Variants in TRIM35 observed in about 807,000 individuals in gnomAD.
The protein encoded by TRIM35 is E3 ubiquitin-protein ligase TRIM35.
TRIM35 carries 37 observed loss-of-function variants against 49.1 expected under a neutral mutation model. That is an observed-to-expected ratio of 0.75 (90% CI 0.58 to 0.99). The LOEUF is 0.99. Among genes scored for constraint, TRIM35 ranks in the 50% least tolerant of loss-of-function variants. The probability of loss-of-function intolerance (pLI) is 0.00; values close to 1 mark genes in which losing one functional copy is unlikely to be tolerated. For synonymous variants in TRIM35, 302 were observed against 289.3 expected, an observed-to-expected ratio of 1.04 and a Z score of -0.45; for missense variants, 648 against 702.7, an observed-to-expected ratio of 0.92 and a Z score of 0.88.
At chr8:27,309,720 C>T (rs1015950787) in intron 1 of TRIM35, among the ~76,000 whole-genome samples, 1 of 151,958 alleles carries the variant, frequency 6.6e-6, no homozygotes, top group African/African-American at 2.4e-5. Context: ...GAGTGGCTCA[C>T]GCCTGTAATC....
At chr8:27,300,578 T>A (rs1405662743) in intron 1 of TRIM35, among the ~76,000 whole-genome samples, 1 of 152,330 alleles carries the variant, frequency 6.6e-6, no homozygotes, top group East Asian at 1.9e-4. Flanking sequence ...AATAGAGAAC[T>A]AGCCCATTTG....
Position 27,287,522 on chromosome 8 carries a change from C to T in TRIM35, c.*28G>A. On this transcript the variant is annotated 3_prime_UTR_variant, in exon 6 of 6. Transcript: ENST00000305364. This position sits in a 1 kb window ranked among gnomAD's most constrained non-coding sequence, Gnocchi z 6.0. ...GGGCAGAAAGAAAACAGTGCTGTGG[C>T]ACAAGACCGGGGCAGCCCCGGGCCA... 1 of 1,518,408 alleles carries T rather than the reference C, an allele frequency of 6.6e-7. No homozygotes were observed. Among genetic ancestry groups the T allele is most frequent in the Non-Finnish European group, 8.8e-7 (1 of 1,130,880 alleles). The allele number at this position is 1,518,408 out of a possible 1,614,324, so 94.1% of individuals were successfully genotyped here.
intron 1 of TRIM35, among the ~76,000 whole-genome samples, chr8:27,302,987 C>T (rs967958379): frequency 5.3e-5 from 8 of 152,146 alleles, no homozygotes; most frequent in African/African-American, 9.7e-5. Context: ...GGTCATAATG[C>T]GCATTCCTGT....
At chr8:27,291,418 A>G (rs1802451538) in intron 3 of TRIM35, among the ~76,000 whole-genome samples, 1 of 152,242 alleles carries the variant, frequency 6.6e-6, no homozygotes, top group African/African-American at 2.4e-5. Context: ...TGGCAAAAAT[A>G]TGGAGAAACT....
Position 27,285,272 on chromosome 8 carries a change from A to AT in TRIM35, c.*2277dup, listed in dbSNP as rs1802287223. 1 of 152,218 alleles carries AT rather than the reference A, an allele frequency of 6.6e-6. No homozygotes were observed. The highest frequency in any genetic ancestry group is 2.1e-4 in the South Asian group (1 of 4,830). The allele number at this position is 152,218 out of a possible 1,614,324, so 9.4% of individuals were successfully genotyped here. On this transcript the variant is annotated 3_prime_UTR_variant, in exon 6 of 6. Coordinates refer to ENST00000305364, the MANE Select transcript of TRIM35 (RefSeq NM_171982.5). ...TCATGCCCTGTTGATGGGATATAAA[A>AT]TTGTGTCACCACATTGGAAAACAGT...
rs1404461997 is a variant in TRIM35 at position 27,286,083 on chromosome 8, A to T, written c.*1467T>A. 1 of 456,178 alleles carries T rather than the reference A, an allele frequency of 2.2e-6. No individual in the cohort carries two copies. The highest frequency in any genetic ancestry group is 4.4e-6 in the Non-Finnish European group (1 of 226,964). 28.3% of individuals were successfully genotyped at this position (456,178 alleles called of 1,614,324 possible). A position where few individuals can be genotyped will look rare whatever the true frequency, so the allele number is the denominator to read the frequency against. On this transcript the variant is annotated 3_prime_UTR_variant, in exon 6 of 6. Coordinates refer to ENST00000305364, the MANE Select transcript of TRIM35 (RefSeq NM_171982.5). ...CTTTTGTGAACTGAAGGGGATGGGC[A>T]GAAGGCAGGATGCTGTCCTTGGTCA...
intron 3 of TRIM35, 103 bp from the exon 4 acceptor site, chr8:27,290,281 C>T (rs1211563772): frequency 1.8e-6 from 2 of 1,116,462 alleles, no homozygotes; most frequent in Non-Finnish European, 2.7e-6. Context: ...GATCATAAGT[C>T]TTAATATTGT....
At chr8:27,310,778 C>T in intron 1 of TRIM35, 23 bp downstream of exon 1, 1 of 1,552,384 alleles carries the variant, frequency 6.4e-7, no homozygotes. Context: ...GCTCGGCCGC[C>T]TCGTGCAAAT....
chr8:27,285,530 A>G lies in TRIM35; in HGVS notation c.*2020T>C, dbSNP rs1025197542. On this transcript the variant is annotated 3_prime_UTR_variant, in exon 6 of 6. Coordinates refer to ENST00000305364, the MANE Select transcript of TRIM35 (RefSeq NM_171982.5). ...CCATACAATGGAATATTACCCGATGAAAAAATAAAGTTGAACACATGCTAC... is the reference window on the plus strand; with the variant it reads ...CCATACAATGGAATATTACCCGATGGAAAAATAAAGTTGAACACATGCTAC... 3 of 151,870 alleles carry G rather than the reference A, an allele frequency of 2.0e-5. No homozygotes were observed. The highest frequency in any genetic ancestry group is 7.3e-5 in the African/African-American group (3 of 41,112). The allele number at this position is 151,870 out of a possible 1,614,324, so 9.4% of individuals were successfully genotyped here.
chr8:27,289,324 C>A, intron 4 of TRIM35, 44 bp from the exon 5 acceptor site: 1 of 1,546,060 alleles, frequency 6.5e-7, no homozygotes, highest in Non-Finnish European at 8.9e-7. Context: ...CAGAGCCATG[C>A]AACCTGGGCC....
At chr8:27,292,740 G>A (rs1332658828) in intron 3 of TRIM35, among the ~76,000 whole-genome samples, 2 of 152,114 alleles carry the variant, frequency 1.3e-5, no homozygotes, top group Non-Finnish European at 2.9e-5. Flanking sequence ...TGCTTTTGGA[G>A]GCATGAAATG....
At chr8:27,306,669 T>C (rs1802792549) in intron 1 of TRIM35, among the ~76,000 whole-genome samples, 2 of 152,190 alleles carry the variant, frequency 1.3e-5, no homozygotes. Flanking sequence ...AAGACATGAC[T>C]TTCATCGTCT....
At chr8:27,296,757 C>G (rs931178904) in intron 2 of TRIM35, among the ~76,000 whole-genome samples, 17 of 152,344 alleles carry the variant, frequency 1.1e-4, no homozygotes, top group African/African-American at 3.8e-4. Flanking sequence ...AACAACTCAA[C>G]AAACTCCAGC....
At chr8:27,290,211 G>C in intron 3 of TRIM35, 33 bp from the exon 4 acceptor site, 1 of 1,607,970 alleles carries the variant, frequency 6.2e-7, no homozygotes. Flanking sequence ...ATAACACAGA[G>C]ACACAGATGT....
rs1802397276 is a variant in TRIM35 at position 27,289,051 on chromosome 8, G to T, written c.904+111C>A. 1.2e-5 allele frequency: 9 copies of T among 760,906 alleles called. No individual in the cohort carries two copies. The South Asian group carries it at 1.3e-4, about 11-fold the overall frequency. The allele number at this position is 760,906 out of a possible 1,614,324, so 47.1% of individuals were successfully genotyped here. A position where few individuals can be genotyped will look rare whatever the true frequency, so the allele number is the denominator to read the frequency against. Reference sequence around the variant, plus strand: ...AGAGGGATCAGCTGAGAGAGGAGGGGAGCTCTGAGGAGGTGGGAGGTGGGC... The same window carrying T: ...AGAGGGATCAGCTGAGAGAGGAGGGTAGCTCTGAGGAGGTGGGAGGTGGGC... On this transcript the variant is annotated intron_variant, in intron 5 of 5. Transcript: ENST00000305364.
At position 27,285,088 on chromosome 8, in the gene TRIM35, C is replaced by T. The variant is rs1454373672; in HGVS notation, c.*2462G>A. ...AAGATAGCTGTCCTAAGAAGATATG[C>T]AAATGGCCAATAAGCTCATGAAAAG... On this transcript the variant is annotated 3_prime_UTR_variant, in exon 6 of 6. Transcript: ENST00000305364. 6.6e-6 allele frequency: 1 copy of T among 152,102 alleles called. No individual in the cohort carries two copies. Among genetic ancestry groups the T allele is most frequent in the African/African-American group, 2.4e-5 (1 of 41,416 alleles). The allele number at this position is 152,102 out of a possible 1,614,324, so 9.4% of individuals were successfully genotyped here. A position where few individuals can be genotyped will look rare whatever the true frequency, so the allele number is the denominator to read the frequency against.
rs1223562978 is a variant in TRIM35 at position 27,287,497 on chromosome 8, G to T, written c.*53C>A. 73 of 1,482,418 alleles carry T rather than the reference G, an allele frequency of 4.9e-5. No individual in the cohort carries two copies. Among genetic ancestry groups the T allele is most frequent in the Non-Finnish European group, 6.6e-5 (73 of 1,111,124 alleles). The allele number at this position is 1,482,418 out of a possible 1,614,324, so 91.8% of individuals were successfully genotyped here. A position where few individuals can be genotyped will look rare whatever the true frequency, so the allele number is the denominator to read the frequency against. ...CCAAGCAGTGTGGGCATTAGGAAGA[G>T]GGCAGAAAGAAAACAGTGCTGTGGC... On this transcript the variant is annotated 3_prime_UTR_variant, in exon 6 of 6. Transcript: ENST00000305364. This position sits in a 1 kb window ranked among gnomAD's most constrained non-coding sequence, Gnocchi z 6.0.
intron 3 of TRIM35, 85 bp downstream of exon 3, chr8:27,293,995 G>A (rs1199363763): frequency 1.6e-5 from 22 of 1,365,218 alleles, no homozygotes; most frequent in Admixed American, 4.2e-5. Context: ...GGAAGATGAC[G>A]TTGGCCAGGG....
chr8:27,288,627 C>A (rs1802388387), intron 5 of TRIM35, among the ~76,000 whole-genome samples: 1 of 152,148 alleles, frequency 6.6e-6, no homozygotes, highest in Non-Finnish European at 1.5e-5. Flanking sequence ...TTTCTACCCT[C>A]CAGAACTGTG....
Sources: allele counts gnomAD v4.1 joint callset (sites outside exome capture counted in the v4.1 genomes callset), GRCh38; gene constraint gnomAD v4.1.1; non-coding constraint Gnocchi (gnomAD v3.1); transcripts MANE v1.5; gene names NCBI Gene and HGNC (gene_info 2026-07-23, HGNC 2026-07-21).